Variants in SOX5 observed in about 807,000 individuals in gnomAD.
SOX5 encodes SRY-box transcription factor 5.
Under a neutral mutation model 92.0 loss-of-function variants are expected in SOX5, and 9 were observed. That is an observed-to-expected ratio of 0.10 (90% CI 0.06 to 0.17). The LOEUF is 0.17. Among genes scored for constraint, SOX5 ranks in the 10% least tolerant of loss-of-function variants. The pLI is 1.00. For synonymous variants in SOX5, 344 were observed against 336.3 expected (o/e 1.02, Z -0.25); for missense variants, 642 against 944.5 (o/e 0.68, Z 4.20).
At chr12:24,280,661 C>T (rs996330865) in intron 2 of SOX5, among the ~76,000 whole-genome samples, 1 of 152,046 alleles carries the variant, frequency 6.6e-6, no homozygotes, top group Non-Finnish European at 1.5e-5. Context: ...AAGGGTATTT[C>T]ATTTACCAGA....
intron 1 of SOX5, among the ~76,000 whole-genome samples, chr12:24,495,477 T>C (rs1244284137): frequency 6.6e-6 from 1 of 152,194 alleles, no homozygotes; most frequent in Non-Finnish European, 1.5e-5. Context: ...AGATGATCCT[T>C]AGGAACTCAA....
At chr12:23,982,249 C>T (rs2136175601) in intron 4 of SOX5, among the ~76,000 whole-genome samples, 1 of 152,310 alleles carries the variant, frequency 6.6e-6, no homozygotes, top group South Asian at 2.1e-4. Context: ...ACTTTCTCTG[C>T]TTCAGAATTT....
intron 7 of SOX5, among the ~76,000 whole-genome samples, chr12:23,642,155 C>T (rs1410042976): frequency 6.6e-6 from 1 of 152,044 alleles, no homozygotes; most frequent in Non-Finnish European, 1.5e-5. Flanking sequence ...ATTCACTTTT[C>T]TACCTAAGTG....
chr12:23,919,124 G>A (rs1183053172), intron 1 of SOX5, among the ~76,000 whole-genome samples: 1 of 152,136 alleles, frequency 6.6e-6, no homozygotes. Flanking sequence ...GTGCATGTGT[G>A]TGTTTGGGGT....
intron 4 of SOX5, among the ~76,000 whole-genome samples, chr12:24,107,343 G>A (rs894336844): frequency 2.6e-5 from 4 of 152,166 alleles, no homozygotes; most frequent in African/African-American, 9.7e-5. Context: ...AAGGAAGAAT[G>A]ATTGAGTTGC....
At chr12:23,974,737 G>GAAATGATGC (rs1204148971) in intron 4 of SOX5, among the ~76,000 whole-genome samples, 3 of 152,088 alleles carry the variant, frequency 2.0e-5, no homozygotes, top group African/African-American at 7.2e-5. Flanking sequence ...TTTAGTGAAT[G>GAAATGATGC]AAATGATGCA....
chr12:23,698,124 C>A (rs912555881), intron 6 of SOX5, among the ~76,000 whole-genome samples: 2 of 152,044 alleles, frequency 1.3e-5, no homozygotes, highest in East Asian at 3.9e-4. Flanking sequence ...CATGTAGAGT[C>A]TAAGAAGAAC....
At chr12:24,012,266 T>C (rs957433710) in intron 4 of SOX5, among the ~76,000 whole-genome samples, 1 of 152,200 alleles carries the variant, frequency 6.6e-6, no homozygotes, top group African/African-American at 2.4e-5. Flanking sequence ...TATGTTCCCT[T>C]GGCAAGACAG....
chr12:24,281,959 TGC>T (rs1945259626), intron 2 of SOX5, among the ~76,000 whole-genome samples: 2 of 151,810 alleles, frequency 1.3e-5, no homozygotes, highest in Non-Finnish European at 2.9e-5. Context: ...TGTTCCTCGA[TGC>T]GATTTCCGGG....
At chr12:23,606,953 T>C (rs561683884) in intron 8 of SOX5, among the ~76,000 whole-genome samples, 50 of 152,300 alleles carry the variant, frequency 3.3e-4, no homozygotes, top group Admixed American at 5.2e-4. Flanking sequence ...CTGGTATTTC[T>C]ACAGAATACA....
intron 4 of SOX5, among the ~76,000 whole-genome samples, chr12:24,116,095 G>A (rs1004231581): frequency 6.6e-6 from 1 of 152,010 alleles, no homozygotes; most frequent in Non-Finnish European, 1.5e-5. Context: ...AAGATGGGGG[G>A]AAAAGAGCTG....
intron 1 of SOX5, among the ~76,000 whole-genome samples, chr12:24,484,213 C>G (rs1946290797): frequency 6.6e-6 from 1 of 152,128 alleles, no homozygotes; most frequent in South Asian, 2.1e-4. Flanking sequence ...ATCCCTTCGA[C>G]TCATTAATCT....
chr12:23,536,427 G>A (rs774896800), intron 14 of SOX5, 26 bp downstream of exon 14: 3 of 1,575,750 alleles, frequency 1.9e-6, no homozygotes, highest in Middle Eastern at 1.9e-4. Flanking sequence ...TTTGCCCCAT[G>A]AGAAAAATGA....
At chr12:24,013,493 G>T (rs1184558695) in intron 4 of SOX5, among the ~76,000 whole-genome samples, 4 of 152,128 alleles carry the variant, frequency 2.6e-5, no homozygotes, top group Admixed American at 1.3e-4. Context: ...CTGTGCCATT[G>T]CCAAGAGTAA....
At chr12:23,918,568 T>C (rs1424889601) in intron 1 of SOX5, among the ~76,000 whole-genome samples, 3 of 152,202 alleles carry the variant, frequency 2.0e-5, no homozygotes, top group African/African-American at 7.2e-5. Flanking sequence ...TATACTAGAG[T>C]TCTGCTATAC....
intron 2 of SOX5, among the ~76,000 whole-genome samples, chr12:24,323,158 A>G (rs150162152): frequency 5.9e-5 from 9 of 152,150 alleles, no homozygotes; most frequent in Non-Finnish European, 1.0e-4. Context: ...AATCTGTTCT[A>G]GTTAAGCCTT....
intron 2 of SOX5, among the ~76,000 whole-genome samples, chr12:23,848,576 A>G (rs2096599098): frequency 1.3e-5 from 2 of 152,184 alleles, no homozygotes; most frequent in African/African-American, 4.8e-5. Flanking sequence ...TGCATGGTGA[A>G]TAGCTTGTTA....
intron 1 of SOX5, among the ~76,000 whole-genome samples, chr12:23,916,695 A>T (rs2097421004): frequency 1.3e-5 from 2 of 152,234 alleles, no homozygotes; most frequent in Admixed American, 1.3e-4. Context: ...TGTATTTTAT[A>T]ATAAATAATC....
chr12:24,357,393 T>G (rs1954974888), intron 2 of SOX5: 1 of 152,212 alleles, frequency 6.6e-6, no homozygotes, highest in South Asian at 2.1e-4. Flanking sequence ...GAATCACGCA[T>G]GTATCCTGCC....
Sources: allele counts gnomAD v4.1 joint callset (sites outside exome capture counted in the v4.1 genomes callset), GRCh38; gene constraint gnomAD v4.1.1; transcripts MANE v1.5; gene names NCBI Gene and HGNC (gene_info 2026-07-23, HGNC 2026-07-21).